The following COL4A2 variants were observed in gnomAD, a reference collection of about 807,000 sequenced individuals.
COL4A2 encodes the protein collagen type IV alpha 2 chain, also known as collagen alpha-2(IV) chain.
COL4A2 carries 99 observed loss-of-function variants against 200.2 expected under a neutral mutation model. The observed-to-expected ratio is 0.49, with a 90% CI of 0.42 to 0.58. The LOEUF is 0.58. Ranked by LOEUF, COL4A2 falls within the 20% of genes least tolerant of loss-of-function variation. The pLI is 0.00. For missense variants in COL4A2, 1,950 were observed against 2,314.1 expected, an observed-to-expected ratio of 0.84 and a Z score of 3.23; for synonymous variants, 897 against 900.6, an observed-to-expected ratio of 1.00 and a Z score of 0.07.
At chr13:110,471,708 G>T (rs561620267) in intron 28 of COL4A2, among the ~76,000 whole-genome samples, 1 of 152,346 alleles carries the variant, frequency 6.6e-6, no homozygotes, top group East Asian at 1.9e-4. Context: ...CTCCCAGGCA[G>T]TGATGGCTTT....
chr13:110,333,785 G>A (rs1384351883), intron 3 of COL4A2, among the ~76,000 whole-genome samples: 1 of 152,174 alleles, frequency 6.6e-6, no homozygotes, highest in African/African-American at 2.4e-5. Context: ...CATCTGTTTT[G>A]TTGTATAGTT....
At chr13:110,438,813 C>CACAA in intron 15 of COL4A2, 145 bp downstream of exon 15, 2 of 771,144 alleles carry the variant, frequency 2.6e-6, no homozygotes, top group South Asian at 1.7e-5. Context: ...CCCCCCCCCA[C>CACAA]ACACACACAC....
At chr13:110,481,258 T>A (rs71441619) in intron 31 of COL4A2, among the ~76,000 whole-genome samples, 1 of 50,628 alleles carries the variant, frequency 2.0e-5, no homozygotes, top group South Asian at 7.2e-4. Flanking sequence ...TGTTCTGTCC[T>A]TCCGTTGCTG....
At chr13:110,491,477 A>G (rs947478406) in intron 37 of COL4A2, 137 bp downstream of exon 37, 40 of 674,520 alleles carry the variant, frequency 5.9e-5, no homozygotes, top group Non-Finnish European at 1.3e-5. Flanking sequence ...CCAGCTTAGG[A>G]GCTTTCCTCA....
chr13:110,430,298 G>A, intron 8 of COL4A2, 103 bp from the exon 9 acceptor site: 2 of 1,482,456 alleles, frequency 1.3e-6, no homozygotes, highest in Non-Finnish European at 1.8e-6. Flanking sequence ...TCCTGATAGG[G>A]CTGATCTGTT....
At chr13:110,424,677 G>A in intron 4 of COL4A2, 57 bp from the exon 5 acceptor site, 1 of 1,224,218 alleles carries the variant, frequency 8.2e-7, no homozygotes, top group Non-Finnish European at 1.2e-6. Context: ...AACCGTAACT[G>A]ATCATGAGTA....
intron 4 of COL4A2, among the ~76,000 whole-genome samples, chr13:110,395,762 T>C (rs1276386698): frequency 1.3e-5 from 2 of 152,114 alleles, no homozygotes; most frequent in African/African-American, 4.8e-5. Flanking sequence ...CTGGCCAATA[T>C]GACGAAACTC....
At chr13:110,389,104 C>A (rs1238697601) in intron 4 of COL4A2, among the ~76,000 whole-genome samples, 1 of 152,140 alleles carries the variant, frequency 6.6e-6, no homozygotes, top group Non-Finnish European at 1.5e-5. Flanking sequence ...CAAGACACTT[C>A]TCCCAACCCA....
At chr13:110,466,739 C>G (rs1219072284) in intron 26 of COL4A2, among the ~76,000 whole-genome samples, 2 of 152,236 alleles carry the variant, frequency 1.3e-5, no homozygotes, top group African/African-American at 4.8e-5. Context: ...CAGATTAACT[C>G]GGTTTGCACC....
intron 34 of COL4A2, among the ~76,000 whole-genome samples, chr13:110,486,226 C>G (rs1883114645): frequency 6.6e-6 from 1 of 152,214 alleles, no homozygotes; most frequent in Non-Finnish European, 1.5e-5. Context: ...GCCTGGCTTC[C>G]CATCCGGGCC....
At chr13:110,457,970 G>A (rs1881842851) in intron 21 of COL4A2, 1 of 395,996 alleles carries the variant, frequency 2.5e-6, no homozygotes, top group South Asian at 1.9e-5. Flanking sequence ...GTCACCTCAG[G>A]GACTCTGCCC....
chr13:110,497,033 G>C (rs1405842508), intron 40 of COL4A2, among the ~76,000 whole-genome samples: 2 of 148,476 alleles, frequency 1.3e-5, no homozygotes, highest in African/African-American at 5.0e-5. Flanking sequence ...TGAGGATCTA[G>C]GGTCAGCACA....
At chr13:110,477,933 G>T in intron 29 of COL4A2, 70 bp from the exon 30 acceptor site, 1 of 1,331,728 alleles carries the variant, frequency 7.5e-7, no homozygotes, top group Non-Finnish European at 9.8e-7. Flanking sequence ...ATGAGTGTGT[G>T]GAGGGAGATG....
rs1477145737 is a variant in COL4A2, at chr13:110,478,026, C to T, written c.2449C>T (p.Pro817Ser). Reference protein sequence around the residue: ...FRGSQGMPGMPGLKGQPGLPG... With the variant: ...FRGSQGMPGMSGLKGQPGLPG... ...AGGAAGCCAAGGGATGCCTGGGATGCCAGGGCTGAAGGGCCAGCCAGGCCT... is the reference window on the plus strand; with the variant it reads ...AGGAAGCCAAGGGATGCCTGGGATGTCAGGGCTGAAGGGCCAGCCAGGCCT... The change falls in exon 30 of 48, where the codon CCA becomes TCA. Residue 817 changes from proline to serine, a missense_variant. Pro to Ser is a moderately conservative substitution (Grantham distance 74). Around this residue, in one of 2 missense-constraint regions of COL4A2, gnomAD observed 1,385 missense variants for 1,720.5 expected, o/e 0.80. Transcript: ENST00000360467. 4.4e-6 allele frequency: 7 copies of T among 1,578,586 alleles called. No individual in the cohort carries two copies. The highest frequency in any genetic ancestry group is 6.0e-6 in the Non-Finnish European group (7 of 1,159,142).
chr13:110,508,233 T>G lies in COL4A2; in HGVS notation c.4881+12T>G, dbSNP rs760743095. On this transcript the variant is annotated intron_variant, in intron 47 of 47. Transcript: ENST00000360467. The surrounding 1 kb of genome is among the most constrained non-coding windows in gnomAD (Gnocchi z 6.1). Reference sequence around the variant, plus strand: ...ATTCCTTCCTCATGGTATGTGGTATTTGCCCAGTTCCCCTCCCCAACCACA... The same window carrying G: ...ATTCCTTCCTCATGGTATGTGGTATGTGCCCAGTTCCCCTCCCCAACCACA... The G allele has an allele frequency of 6.2e-7, 1 of 1,611,536 alleles. No individual in the cohort carries two copies. The highest frequency in any genetic ancestry group is 1.1e-5 in the South Asian group (1 of 91,012).
At chr13:110,356,792 A>C (rs1042613661) in intron 3 of COL4A2, among the ~76,000 whole-genome samples, 11 of 146,130 alleles carry the variant, frequency 7.5e-5, no homozygotes, top group Admixed American at 6.2e-4. Flanking sequence ...TTTTTGAGAC[A>C]GTCTTACTCT....
intron 3 of COL4A2, among the ~76,000 whole-genome samples, chr13:110,325,922 T>C (rs12868354): frequency 6.6e-6 from 1 of 152,148 alleles, no homozygotes; most frequent in Admixed American, 6.5e-5. Context: ...TAGCTGGGAC[T>C]ACAGGCGTGC....
intron 3 of COL4A2, among the ~76,000 whole-genome samples, chr13:110,329,295 C>G (rs1175321562): frequency 2.0e-5 from 3 of 152,234 alleles, no homozygotes; most frequent in African/African-American, 4.8e-5. Context: ...CTGAGAGCAG[C>G]AACCACCCTC....
At chr13:110,478,496 G>A (rs543716631) in intron 30 of COL4A2, among the ~76,000 whole-genome samples, 1 of 152,388 alleles carries the variant, frequency 6.6e-6, no homozygotes, top group African/African-American at 2.4e-5. Context: ...CAGGGTGTGG[G>A]TTGGAAAGGC....
Sources: gnomAD v4.1 joint callset for allele counts (sites outside exome capture counted in the v4.1 genomes callset) on GRCh38, gnomAD v4.1.1 for gene constraint, gnomAD v4.1.1 regional missense constraint, Gnocchi (gnomAD v3.1) non-coding constraint, MANE v1.5 for transcripts, NCBI Gene and HGNC (gene_info 2026-07-23, HGNC 2026-07-21) for gene names.